The following NDST3 variants were observed in gnomAD, a reference collection of about 807,000 sequenced individuals.
The protein encoded by NDST3 is N-deacetylase and N-sulfotransferase 3.
A neutral mutation model predicts 96.1 loss-of-function variants in NDST3; 58 were observed. The ratio of observed to expected loss-of-function variants is 0.60; its 90% CI spans 0.49 to 0.75. The LOEUF is 0.75. Ranked by LOEUF, NDST3 falls within the 30% of genes least tolerant of loss-of-function variation. NDST3 has a pLI of 0.00. For missense variants in NDST3, 788 were observed against 1,034.2 expected (o/e 0.76, Z 3.27); for synonymous variants, 333 against 359.7 (o/e 0.93, Z 0.84).
At chr4:118,067,313 T>G (rs1726669324) in intron 2 of NDST3, among the ~76,000 whole-genome samples, 1 of 152,078 alleles carries the variant, frequency 6.6e-6, no homozygotes, top group African/African-American at 2.4e-5. Flanking sequence ...TCAAAGGATC[T>G]CGACATAATT....
intron 2 of NDST3, among the ~76,000 whole-genome samples, chr4:118,078,296 A>G (rs2125813278): frequency 6.6e-6 from 1 of 152,200 alleles, no homozygotes; most frequent in Non-Finnish European, 1.5e-5. Flanking sequence ...AGTGAAAATG[A>G]CACACGTGAA....
At chr4:118,033,646 G>T (rs1246307962), upstream of NDST3, 1 of 151,682 alleles carries the variant, frequency 6.6e-6, no homozygotes, top group Non-Finnish European at 1.5e-5. Flanking sequence ...CGGCCGGGCG[G>T]GTCCCAGGGC....
intron 6 of NDST3, among the ~76,000 whole-genome samples, chr4:118,166,220 G>GTTT (rs1455883665): frequency 4.0e-5 from 6 of 151,440 alleles, no homozygotes; most frequent in Non-Finnish European, 8.9e-5. Context: ...TGAAAGAGAA[G>GTTT]ACATTACAAC....
At chr4:118,092,010 T>C (rs1236919731) in intron 2 of NDST3, among the ~76,000 whole-genome samples, 1 of 151,376 alleles carries the variant, frequency 6.6e-6, no homozygotes, top group Non-Finnish European at 1.5e-5. Context: ...TTAAATATTA[T>C]GTAGTCCAAA....
chr4:118,098,787 T>C (rs1276586335), intron 2 of NDST3, among the ~76,000 whole-genome samples: 2 of 152,090 alleles, frequency 1.3e-5, no homozygotes, highest in African/African-American at 4.8e-5. Context: ...GAAGGGTTTA[T>C]ATGAAGGATA....
intron 12 of NDST3, among the ~76,000 whole-genome samples, chr4:118,247,953 C>T (rs1453063430): frequency 6.6e-6 from 1 of 151,958 alleles, no homozygotes; most frequent in South Asian, 2.1e-4. Flanking sequence ...AATGGTTTTT[C>T]GATGTAAAGG....
intron 2 of NDST3, among the ~76,000 whole-genome samples, chr4:118,071,559 A>C (rs1358291406): frequency 6.6e-6 from 1 of 152,076 alleles, no homozygotes; most frequent in Non-Finnish European, 1.5e-5. Context: ...AATGGCCTCC[A>C]GCTCCATCCA....
intron 2 of NDST3, among the ~76,000 whole-genome samples, chr4:118,074,385 C>G (rs1727327698): frequency 6.6e-6 from 1 of 152,096 alleles, no homozygotes; most frequent in South Asian, 2.1e-4. Flanking sequence ...ATCTAGATCC[C>G]TCCATAGATC....
At chr4:118,202,857 T>C (rs1738185139) in intron 6 of NDST3, among the ~76,000 whole-genome samples, 1 of 152,148 alleles carries the variant, frequency 6.6e-6, no homozygotes, top group South Asian at 2.1e-4. Flanking sequence ...GTGTTGAACA[T>C]GAGTGGTAAG....
At chr4:118,096,237 C>G (rs2125838289) in intron 2 of NDST3, among the ~76,000 whole-genome samples, 1 of 151,976 alleles carries the variant, frequency 6.6e-6, no homozygotes. Flanking sequence ...TTGAAATACA[C>G]TGGGATTATA....
chr4:118,040,274 CTAGAGCT>C lies in NDST3; in HGVS notation c.-156+5688_-156+5694del, dbSNP rs138993637. Among the ~76,000 whole-genome samples the C allele has an allele frequency of 8.5e-5, 13 of 152,238 alleles. No homozygotes were observed. The East Asian group carries it at 2.3e-3, about 27-fold the overall frequency. ...CAAGTTGATAGTTCAATATAAAATC[CTAGAGCT>C]TAGAGGAAGGAGGTCTGAGTTATGA... On this transcript the variant is annotated intron_variant, in intron 1 of 13. Transcript: ENST00000296499.
chr4:118,219,272 C>T (rs192915486), intron 6 of NDST3, among the ~76,000 whole-genome samples: 349 of 152,158 alleles, frequency 2.3e-3, no homozygotes, highest in East Asian at 9.1e-3. Context: ...GGAGGCATCA[C>T]GCTACCTGAC....
intron 13 of NDST3, 72 bp downstream of exon 13, chr4:118,253,673 A>G (rs1741917162): frequency 2.0e-6 from 2 of 1,018,852 alleles, no homozygotes; most frequent in Admixed American, 2.3e-5. Flanking sequence ...ACTTTCTTAA[A>G]AAACTAGTTA....
At chr4:118,080,226 C>G (rs745808877) in intron 2 of NDST3, among the ~76,000 whole-genome samples, 1 of 152,030 alleles carries the variant, frequency 6.6e-6, no homozygotes, top group Non-Finnish European at 1.5e-5. Context: ...AGCAAGAATT[C>G]TCTTCTACAG....
At position 118,066,583 on chromosome 4, in the gene NDST3, TAAC is replaced by T. The variant is rs1390719524; in HGVS notation, c.981+11694_981+11696del. Among the ~76,000 whole-genome samples, 7 of 58,192 alleles carry T rather than the reference TAAC, an allele frequency of 1.2e-4. 2 individuals are homozygous for T. The highest frequency in any genetic ancestry group is 2.1e-4 in the Non-Finnish European group (7 of 32,916). 38.2% of individuals were successfully genotyped at this position (58,192 alleles called of 152,430 possible). On this transcript the variant is annotated intron_variant, in intron 2 of 13. Coordinates refer to ENST00000296499, the MANE Select transcript of NDST3 (RefSeq NM_004784.3). ...TTATATATTATATATACATTATATA[TAAC>T]ATGTTATATATTATATATACATTAT...
At position 118,209,684 on chromosome 4, in the gene NDST3, T is replaced by A. The variant is rs182982478; in HGVS notation, c.1540-14807T>A. Among the ~76,000 whole-genome samples the A allele has an allele frequency of 1.1e-4, 17 of 152,334 alleles. No individual in the cohort carries two copies. In the East Asian group the frequency reaches 3.1e-3, roughly 28 times the overall value. ...ACAAACTGCTCCAAGCTAAATTGCT[T>A]TAAATTACATTGACCTCATCACTGT... On this transcript the variant is annotated intron_variant, in intron 6 of 13. Coordinates refer to ENST00000296499, the MANE Select transcript of NDST3 (RefSeq NM_004784.3).
chr4:118,155,572 T>G (rs1734663520), intron 6 of NDST3, among the ~76,000 whole-genome samples: 1 of 152,222 alleles, frequency 6.6e-6, no homozygotes, highest in South Asian at 2.1e-4. Flanking sequence ...GAGCTAACAT[T>G]TATTTCAATG....
chr4:118,087,278 A>G (rs1728501452), intron 2 of NDST3, among the ~76,000 whole-genome samples: 1 of 152,142 alleles, frequency 6.6e-6, no homozygotes, highest in Non-Finnish European at 1.5e-5. Flanking sequence ...ATGTTTGTGT[A>G]ATTGCTTATA....
At chr4:118,194,070 G>A in intron 6 of NDST3, 1 of 1,448,426 alleles carries the variant, frequency 6.9e-7, no homozygotes. Flanking sequence ...GCATTTGGTG[G>A]GATTTGGAAC....
Sources: allele counts gnomAD v4.1 joint callset (sites outside exome capture counted in the v4.1 genomes callset), GRCh38; gene constraint gnomAD v4.1.1; transcripts MANE v1.5; gene names NCBI Gene and HGNC (gene_info 2026-07-23, HGNC 2026-07-21).